MTTP: variants seen among roughly 807,000 people sequenced by gnomAD.
The protein encoded by MTTP is microsomal triglyceride transfer protein.
In MTTP, 49 loss-of-function variants were observed where a neutral mutation model predicts 90.6. The observed-to-expected ratio is 0.54, with a 90% confidence interval of 0.43 to 0.69. The LOEUF (loss-of-function observed/expected upper bound fraction) is 0.69, where lower values mean the gene tolerates loss of function less well. Ranked by LOEUF, MTTP falls within the 30% of genes least tolerant of loss-of-function variation. The pLI, the probability that MTTP is intolerant of heterozygous loss-of-function variation, is 0.00. For synonymous variants in MTTP, 347 were observed against 384.2 expected (o/e 0.90, Z 1.13); for missense variants, 945 against 1,067.5 (o/e 0.89, Z 1.60).
intron 9 of MTTP, 26 bp from the exon 10 acceptor site, chr4:99,601,581 C>T (rs745838530): frequency 6.8e-7 from 1 of 1,464,824 alleles, no homozygotes; most frequent in South Asian, 1.1e-5. Context: ...TCTTGGTAAC[C>T]TATTTTATCC....
In MTTP at chr4:99,591,674, T is replaced by C. The variant is rs374225942; in HGVS notation, c.642T>C (p.Ala214=). ...AGGTCTTGGGTGTCAGTTCAAAAGCTACATCTGTCACCACCTATAAGATAG... is the reference window on the plus strand; with the variant it reads ...AGGTCTTGGGTGTCAGTTCAAAAGCCACATCTGTCACCACCTATAAGATAG... The part of the protein sequence containing the change: ...PNQVLGVSSK[A]TSVTTYKIED... Residue 214 remains alanine, a synonymous_variant, in exon 6 of 18, where the codon GCT becomes GCC. Coordinates refer to ENST00000265517, the MANE Select transcript of MTTP (RefSeq NM_001386140.1). 6.2e-7 allele frequency: 1 copy of C among 1,612,994 alleles called. No individual in the cohort carries two copies. The highest frequency in any genetic ancestry group is 8.5e-7 in the Non-Finnish European group (1 of 1,179,176).
upstream of MTTP, among the ~76,000 whole-genome samples, chr4:99,572,587 G>A (rs1003271644): frequency 3.9e-5 from 6 of 151,968 alleles, no homozygotes; most frequent in East Asian, 7.7e-4. Context: ...TTATAAAAAC[G>A]TAAGGTGATT....
upstream of MTTP, chr4:99,570,976 CAATAAATCTG>C: frequency 3.2e-6 from 1 of 308,164 alleles, no homozygotes; most frequent in Non-Finnish European, 6.5e-6. Flanking sequence ...GAGTATAAGA[CAATAAATCTG>C]CTGTTTTAAG....
chr4:99,604,838 A>G (rs1725775835), intron 10 of MTTP, among the ~76,000 whole-genome samples: 1 of 152,172 alleles, frequency 6.6e-6, no homozygotes, highest in Admixed American at 6.6e-5. Flanking sequence ...GCTCAATTCT[A>G]AAACATACAC....
rs752453554 is a variant in MTTP, at chr4:99,589,683, T to C, written c.434T>C (p.Ile145Thr). Residue 145 changes from isoleucine (I) to threonine (T), a missense_variant, in exon 4 of 18, where the codon ATA becomes ACA. Coordinates refer to ENST00000265517, the MANE Select transcript of MTTP (RefSeq NM_001386140.1). The stretch of plus-strand genomic sequence containing the variant: ...TCATATCAAAATGAGGCAGTGGCCA[T>C]AGAAAATATCAAGAGAGGTCTGGCT... Reference protein sequence around the residue: ...FYSYQNEAVAIENIKRGLASL... With the variant: ...FYSYQNEAVATENIKRGLASL... 3 of 1,610,390 alleles carry C rather than the reference T, an allele frequency of 1.9e-6. No individual in the cohort carries two copies. The highest frequency in any genetic ancestry group is 8.5e-7 in the Non-Finnish European group (1 of 1,176,950).
At chr4:99,618,839 C>T in intron 15 of MTTP, 135 bp from the exon 16 acceptor site, 1 of 1,190,716 alleles carries the variant, frequency 8.4e-7, no homozygotes, top group Non-Finnish European at 1.2e-6. Flanking sequence ...GTTTCCAAGC[C>T]TAGAGAAAGA....
rs542543334 is a variant in MTTP, at chr4:99,601,788, C to T, written c.1344+74C>T. On this transcript the variant is annotated intron_variant, in intron 10 of 17. Coordinates refer to ENST00000265517, the MANE Select transcript of MTTP (RefSeq NM_001386140.1). ...CATTTGATACTCACCATGCTGCCTACTATTGGCACTCCTAATTCTCTTTAC... is the reference window on the plus strand; with the variant it reads ...CATTTGATACTCACCATGCTGCCTATTATTGGCACTCCTAATTCTCTTTAC... 170 of 1,112,260 alleles carry T rather than the reference C, an allele frequency of 1.5e-4. No homozygotes were observed. In the African/African-American group the frequency reaches 1.9e-3, roughly 13 times the overall value. The allele number at this position is 1,112,260 out of a possible 1,614,324, so 68.9% of individuals were successfully genotyped here.
In MTTP at chr4:99,622,919, G is replaced by T; in HGVS notation, c.*71G>T. ...CACAATGTGGCATGACTAAGTACTT[G>T]CTCTCTGAGAGCACAGCGTTTACAT... is the stretch of plus-strand genomic sequence containing the variant. On this transcript the variant is annotated 3_prime_UTR_variant, in exon 18 of 18. Coordinates refer to ENST00000265517, the MANE Select transcript of MTTP (RefSeq NM_001386140.1). The T allele has an allele frequency of 6.7e-7, 1 of 1,500,420 alleles. No individual in the cohort carries two copies. The highest frequency in any genetic ancestry group is 9.3e-7 in the Non-Finnish European group (1 of 1,077,032). The allele number at this position is 1,500,420 out of a possible 1,614,324, so 92.9% of individuals were successfully genotyped here. A position where few individuals can be genotyped will look rare whatever the true frequency, so the allele number is the denominator to read the frequency against.
rs180892082 is a variant in MTTP, at chr4:99,608,733, G to T, written c.1558-33G>T. The T allele has an allele frequency of 9.8e-5, 148 of 1,503,432 alleles. No individual in the cohort carries two copies. The East Asian group carries it at 3.0e-3, about 30-fold the overall frequency. 93.1% of individuals were successfully genotyped at this position (1,503,432 alleles called of 1,614,324 possible). On this transcript the variant is annotated intron_variant, in intron 11 of 17. Coordinates refer to ENST00000265517, the MANE Select transcript of MTTP (RefSeq NM_001386140.1). ...CTGAAATGTCCATTTTAAAAATCTA[G>T]ATGTGCACTAAGTTTGAACATCTTA... is the stretch of plus-strand genomic sequence containing the variant.
At chr4:99,621,343 G>A (rs1578258510) in intron 17 of MTTP, 112 bp downstream of exon 17, 4 of 1,354,400 alleles carry the variant, frequency 3.0e-6, no homozygotes, top group South Asian at 2.4e-5. Flanking sequence ...AGAAACCCAG[G>A]GAAAGATGAA....
chr4:99,564,537 T>G, intron 1 of MTTP: 1 of 302,264 alleles, frequency 3.3e-6, no homozygotes, highest in East Asian at 7.4e-5. Context: ...TGAGCTATTT[T>G]TCCTATGCTG....
chr4:99,565,069 G>T (rs1250228696), intron 1 of MTTP, among the ~76,000 whole-genome samples: 1 of 152,126 alleles, frequency 6.6e-6, no homozygotes, highest in African/African-American at 2.4e-5. Context: ...TGTTAGTAGG[G>T]CATCTTTTTT....
chr4:99,597,917 T>C (rs1725597604), intron 8 of MTTP, among the ~76,000 whole-genome samples: 1 of 152,172 alleles, frequency 6.6e-6, no homozygotes, highest in African/African-American at 2.4e-5. Context: ...ATTATCCTAA[T>C]TGATGATATA....
Position 99,612,948 on chromosome 4 carries a change from C to G in MTTP, c.2025C>G (p.Ile675Met). The change falls in exon 15 of 18, where the codon ATC (isoleucine) becomes ATG (methionine). Residue 675 changes from isoleucine to methionine, a missense_variant. Ile to Met is a conservative substitution (Grantham distance 10). Coordinates refer to ENST00000265517, the MANE Select transcript of MTTP (RefSeq NM_001386140.1). ...AAGCCCAAGGACTGGAAGCCTTAAT[C>G]GCAGCCACCCCTGACGAGGGGGAGG... Reference protein sequence around the residue: ...VIEAQGLEALIAATPDEGEEN... With the variant: ...VIEAQGLEALMAATPDEGEEN... The G allele has an allele frequency of 1.2e-6, 2 of 1,613,992 alleles. No individual in the cohort carries two copies. The highest frequency in any genetic ancestry group is 1.1e-5 in the South Asian group (1 of 91,068).
At chr4:99,580,881 T>C (rs1725093301) in intron 1 of MTTP, among the ~76,000 whole-genome samples, 2 of 152,196 alleles carry the variant, frequency 1.3e-5, no homozygotes, top group African/African-American at 4.8e-5. Flanking sequence ...AAAGTAATTT[T>C]TGCTATCACC....
intron 15 of MTTP, among the ~76,000 whole-genome samples, chr4:99,615,300 G>A (rs1726072139): frequency 6.6e-6 from 1 of 152,242 alleles, no homozygotes; most frequent in South Asian, 2.1e-4. Flanking sequence ...AATGAGTATG[G>A]CTGTGTTCCA....
At chr4:99,611,565 G>C in intron 14 of MTTP, 112 bp downstream of exon 14, 3 of 1,411,128 alleles carry the variant, frequency 2.1e-6, no homozygotes, top group Non-Finnish European at 3.0e-6. Flanking sequence ...GTTAATGGTG[G>C]CTTCTGTCAT....
chr4:99,619,187 G>A (rs977964216), intron 16 of MTTP, 89 bp downstream of exon 16: 2 of 1,242,724 alleles, frequency 1.6e-6, no homozygotes, highest in African/African-American at 1.5e-5. Context: ...TTAATCTTCT[G>A]ACTTTTCAAA....
intron 1 of MTTP, among the ~76,000 whole-genome samples, chr4:99,578,512 A>G (rs1456429464): frequency 1.3e-5 from 2 of 152,332 alleles, no homozygotes; most frequent in African/African-American, 4.8e-5. Flanking sequence ...TTTAGGCTTT[A>G]TCTCCTGTTG....
Sources: gnomAD v4.1 joint callset for allele counts (sites outside exome capture counted in the v4.1 genomes callset) on GRCh38, gnomAD v4.1.1 for gene constraint, MANE v1.5 for transcripts, NCBI Gene and HGNC (gene_info 2026-07-23, HGNC 2026-07-21) for gene names.